Variants in FRRS1 observed in about 807,000 individuals in gnomAD.
The protein encoded by FRRS1 is ferric chelate reductase 1.
In FRRS1, 51 loss-of-function variants were observed where a neutral mutation model predicts 70.7. That is an observed-to-expected ratio of 0.72 (90% confidence interval 0.58 to 0.91). The LOEUF (loss-of-function observed/expected upper bound fraction) is 0.91, where lower values mean the gene tolerates loss of function less well. Ranked by LOEUF, FRRS1 falls within the 40% of genes least tolerant of loss-of-function variation. The probability of loss-of-function intolerance (pLI) is 0.00; values close to 1 mark genes in which losing one functional copy is unlikely to be tolerated. For missense variants in FRRS1, 672 were observed against 726.0 expected (o/e 0.93, Z 0.86); for synonymous variants, 225 against 238.7 (o/e 0.94, Z 0.53).
chr1:99,712,937 T>C (rs1378561928), intron 12 of FRRS1, among the ~76,000 whole-genome samples: 2 of 130,846 alleles, frequency 1.5e-5, no homozygotes, highest in African/African-American at 7.4e-5. Context: ...AATCCACAAT[T>C]ACTTTTGCAC....
At chr1:99,719,400 T>C (rs1654693028) in intron 10 of FRRS1, 134 bp downstream of exon 10, 1 of 522,936 alleles carries the variant, frequency 1.9e-6, no homozygotes. Flanking sequence ...AGAGCGAGAC[T>C]CCATCTCAAA....
At chr1:99,728,398 A>G in intron 9 of FRRS1, 95 bp downstream of exon 9, 1 of 1,049,866 alleles carries the variant, frequency 9.5e-7, no homozygotes, top group Non-Finnish European at 1.4e-6. Context: ...GTGCCTTAAA[A>G]ACGGGCAATT....
chr1:99,750,736 C>G (rs984232550), intron 1 of FRRS1, among the ~76,000 whole-genome samples: 1 of 149,312 alleles, frequency 6.7e-6, no homozygotes, highest in Admixed American at 6.7e-5. Flanking sequence ...ACAAAAGGTA[C>G]AACAAATGTG....
At chr1:99,711,243 C>T in intron 14 of FRRS1, 1 of 328,244 alleles carries the variant, frequency 3.0e-6, no homozygotes, top group African/African-American at 2.1e-5. Flanking sequence ...GAACATAGTA[C>T]CCAAAGGGTA....
Position 99,708,733 on chromosome 1 carries a change from A to G in FRRS1, c.*295T>C. ...TCCAAATCACTATTTATTTTCTTAAATACCAACATTCTTAAAATCTTGGCA... is the reference window on the plus strand; with the variant it reads ...TCCAAATCACTATTTATTTTCTTAAGTACCAACATTCTTAAAATCTTGGCA... On this transcript the variant is annotated 3_prime_UTR_variant, in exon 17 of 17. Coordinates refer to ENST00000646001, the MANE Select transcript of FRRS1 (RefSeq NM_001361041.2). 2.0e-6 allele frequency: 1 copy of G among 495,980 alleles called. No individual in the cohort carries two copies. The highest frequency in any genetic ancestry group is 4.2e-4 in the Middle Eastern group (1 of 2,372). The allele number at this position is 495,980 out of a possible 1,614,324, so 30.7% of individuals were successfully genotyped here.
At chr1:99,737,390 C>G (rs1655726975) in intron 7 of FRRS1, among the ~76,000 whole-genome samples, 2 of 152,172 alleles carry the variant, frequency 1.3e-5, no homozygotes, top group Non-Finnish European at 2.9e-5. Flanking sequence ...TAAAATAGGA[C>G]AAAAGAGCAG....
At position 99,707,428 on chromosome 1, in the gene FRRS1, C is replaced by A. The variant is rs1395033731; in HGVS notation, c.*1600G>T. ...TCCTAAATTTTTTATTTTAAAAATG[C>A]CCAGTTTATTTATTTGCTTTGCCTA... On this transcript the variant is annotated 3_prime_UTR_variant, in exon 17 of 17. Coordinates refer to ENST00000646001, the MANE Select transcript of FRRS1 (RefSeq NM_001361041.2). 1.3e-5 allele frequency among the ~76,000 whole-genome samples: 2 copies of A among 151,874 alleles called. No homozygotes were observed. The highest frequency in any genetic ancestry group is 2.4e-5 in the African/African-American group (1 of 41,344).
intron 7 of FRRS1, among the ~76,000 whole-genome samples, chr1:99,730,288 T>C (rs772623343): frequency 6.6e-6 from 1 of 152,210 alleles, no homozygotes; most frequent in Non-Finnish European, 1.5e-5. Context: ...CTACATAGTG[T>C]ACATATTCAA....
intron 1 of FRRS1, among the ~76,000 whole-genome samples, chr1:99,756,239 A>T (rs150015012): frequency 2.0e-5 from 3 of 152,200 alleles, no homozygotes; most frequent in African/African-American, 7.2e-5. Flanking sequence ...AAAACAAAAA[A>T]GATTTATTTT....
chr1:99,763,381 A>G (rs144247289), intron 1 of FRRS1, among the ~76,000 whole-genome samples: 107 of 152,320 alleles, frequency 7.0e-4, no homozygotes, highest in African/African-American at 2.4e-3. Flanking sequence ...TGCTCAAACT[A>G]GGTAGAACTG....
intron 11 of FRRS1, among the ~76,000 whole-genome samples, chr1:99,716,014 G>A (rs186604516): frequency 1.2e-3 from 188 of 152,112 alleles, no homozygotes; most frequent in African/African-American, 3.8e-3. Context: ...CTCCACCATC[G>A]AGCACAGTGC....
rs1348688184 is a variant in FRRS1, at chr1:99,707,583, C to A, written c.*1445G>T. On this transcript the variant is annotated 3_prime_UTR_variant, in exon 17 of 17. Coordinates refer to ENST00000646001, the MANE Select transcript of FRRS1 (RefSeq NM_001361041.2). ...TACTAATTTAAGGTTTTAACCCTTA[C>A]CCCAACCACCCAAAAAAAGTAGCCA... Among the ~76,000 whole-genome samples, 1 of 152,096 alleles carries A rather than the reference C, an allele frequency of 6.6e-6. No individual in the cohort carries two copies. The highest frequency in any genetic ancestry group is 1.5e-5 in the Non-Finnish European group (1 of 68,006).
At chr1:99,712,840 T>C (rs1184334772) in intron 12 of FRRS1, among the ~76,000 whole-genome samples, 1 of 152,176 alleles carries the variant, frequency 6.6e-6, no homozygotes, top group Non-Finnish European at 1.5e-5. Context: ...GTGGAATCCA[T>C]GTACAGAATG....
At chr1:99,713,094 C>A (rs1294808588) in intron 12 of FRRS1, among the ~76,000 whole-genome samples, 2 of 139,474 alleles carry the variant, frequency 1.4e-5, no homozygotes, top group Non-Finnish European at 3.0e-5. Context: ...CAACAAGATT[C>A]TTGCATGTGT....
At chr1:99,729,879 A>G (rs1655259619) in intron 7 of FRRS1, 131 bp from the exon 8 acceptor site, 1 of 623,786 alleles carries the variant, frequency 1.6e-6, no homozygotes, top group Non-Finnish European at 2.9e-6. Context: ...TGAATCATGA[A>G]TGATGCTATG....
rs985267687 is a variant in FRRS1 at position 99,749,002 on chromosome 1, C to G, written c.-105-1G>C. ...ATCATTTAATCCTCCACTTCCTTAC[C>G]TGAAAAATAAGGAAACAAAGATCTC... On this transcript the variant is annotated splice_acceptor_variant, in intron 1 of 16. Transcript: ENST00000646001. LOFTEE classifies it low-confidence loss of function (5UTR_SPLICE). 1 of 370,330 alleles carries G rather than the reference C, an allele frequency of 2.7e-6. No individual in the cohort carries two copies. The highest frequency in any genetic ancestry group is 4.8e-6 in the Non-Finnish European group (1 of 207,840). The allele number at this position is 370,330 out of a possible 1,614,324, so 22.9% of individuals were successfully genotyped here. A position where few individuals can be genotyped will look rare whatever the true frequency, so the allele number is the denominator to read the frequency against.
intron 8 of FRRS1, among the ~76,000 whole-genome samples, chr1:99,729,389 T>C (rs1008393277): frequency 7.2e-5 from 11 of 152,220 alleles, no homozygotes; most frequent in African/African-American, 2.4e-4. Context: ...TAATAAACCA[T>C]AAAGTACTTT....
chr1:99,710,917 C>A lies in FRRS1; in HGVS notation c.1513G>T (p.Gly505Ter). The A allele has an allele frequency of 1.2e-6, 2 of 1,613,820 alleles. No homozygotes were observed. The highest frequency in any genetic ancestry group is 1.7e-6 in the Non-Finnish European group (2 of 1,179,840). The stretch of plus-strand genomic sequence containing the variant: ...TTCCATGAATCAGGAAGATTCAGTC[C>A]TGGTAAATCCATTCCCAGGAACATC... ...AAMFLGMDLP[G>*]LNLPDSWKTY... Residue 505 changes from glycine (G) to a stop codon, truncating the protein, a stop_gained, in exon 15 of 17, where the codon GGA becomes TGA. Transcript: ENST00000646001. LOFTEE classifies it high-confidence loss of function.
chr1:99,765,305 T>A (rs1422434172), intron 1 of FRRS1: 2 of 152,218 alleles, frequency 1.3e-5, no homozygotes, highest in African/African-American at 2.4e-5. Context: ...ACCACTTTTT[T>A]AAAAATACAG....
Sources: gnomAD v4.1 joint callset for allele counts (sites outside exome capture counted in the v4.1 genomes callset) on GRCh38, gnomAD v4.1.1 for gene constraint, MANE v1.5 for transcripts, NCBI Gene and HGNC (gene_info 2026-07-23, HGNC 2026-07-21) for gene names.